The following CNIH3 variants were observed in gnomAD, a reference collection of about 807,000 sequenced individuals.
CNIH3 encodes protein cornichon homolog 3.
CNIH3 carries 14 observed loss-of-function variants against 24.1 expected under a neutral mutation model. That is an observed-to-expected ratio of 0.58 (90% confidence interval 0.38 to 0.91). The LOEUF (loss-of-function observed/expected upper bound fraction) is 0.91. Ranked by LOEUF, CNIH3 falls within the 40% of genes least tolerant of loss-of-function variation. The probability of loss-of-function intolerance (pLI) is 0.00; values close to 1 mark genes in which losing one functional copy is unlikely to be tolerated. For synonymous variants in CNIH3, 68 were observed against 73.8 expected, an observed-to-expected ratio of 0.92 and a Z score of 0.40; for missense variants, 178 against 196.8, an observed-to-expected ratio of 0.90 and a Z score of 0.57.
At chr1:224,640,357 G>A (rs970738488) in intron 1 of CNIH3, among the ~76,000 whole-genome samples, 22 of 152,162 alleles carry the variant, frequency 1.4e-4, no homozygotes, top group Non-Finnish European at 2.2e-4. Context: ...CTGTAGAGAC[G>A]CTGTGACTCC....
intron 2 of CNIH3, among the ~76,000 whole-genome samples, chr1:224,543,688 C>A (rs990994665): frequency 3.9e-5 from 6 of 152,170 alleles, no homozygotes; most frequent in Non-Finnish European, 8.8e-5. Flanking sequence ...AGTGACCTTG[C>A]CAGACTTGCT....
intron 2 of CNIH3, among the ~76,000 whole-genome samples, chr1:224,681,466 A>G (rs1427732191): frequency 6.6e-6 from 1 of 152,202 alleles, no homozygotes; most frequent in Non-Finnish European, 1.5e-5. Context: ...GGCGCCATCC[A>G]TCACCCAGAA....
chr1:224,549,648 G>C (rs558401207), intron 3 of CNIH3, among the ~76,000 whole-genome samples: 1 of 151,956 alleles, frequency 6.6e-6, no homozygotes, highest in Non-Finnish European at 1.5e-5. Flanking sequence ...GAATATTATA[G>C]AAATACCAGA....
intron 1 of CNIH3, among the ~76,000 whole-genome samples, chr1:224,480,804 A>G (rs547133677): frequency 6.6e-6 from 1 of 152,294 alleles, no homozygotes; most frequent in Admixed American, 6.5e-5. Context: ...GCCATTCAAC[A>G]AGTCTCTGAG....
chr1:224,715,617 G>C (rs930832541), intron 3 of CNIH3, among the ~76,000 whole-genome samples: 1 of 152,214 alleles, frequency 6.6e-6, no homozygotes, highest in South Asian at 2.1e-4. Context: ...TGGGCACCTG[G>C]TGAAAGCCTC....
At chr1:224,450,106 T>G (rs891669430) in intron 1 of CNIH3, among the ~76,000 whole-genome samples, 1 of 152,154 alleles carries the variant, frequency 6.6e-6, no homozygotes. Context: ...CAAATATTTT[T>G]TGAGCACTTG....
intron 3 of CNIH3, among the ~76,000 whole-genome samples, chr1:224,728,080 A>G (rs1306798406): frequency 2.0e-5 from 3 of 152,198 alleles, no homozygotes; most frequent in East Asian, 1.9e-4. Flanking sequence ...CCAAACTGTA[A>G]TCAGTCAGAG....
intron 1 of CNIH3, among the ~76,000 whole-genome samples, chr1:224,452,152 CT>C (rs58936897): frequency 9.2e-4 from 131 of 142,166 alleles, no homozygotes; most frequent in African/African-American, 1.7e-3. Context: ...TTACCAATGT[CT>C]TTTTTTTTTT....
At chr1:224,599,431 A>G (rs897823229) in intron 3 of CNIH3, among the ~76,000 whole-genome samples, 1 of 152,254 alleles carries the variant, frequency 6.6e-6, no homozygotes, top group Non-Finnish European at 1.5e-5. Context: ...GTTTGCTAAC[A>G]GCTTTTGGCA....
intron 3 of CNIH3, among the ~76,000 whole-genome samples, chr1:224,562,298 T>C (rs1311783723): frequency 6.6e-6 from 1 of 152,150 alleles, no homozygotes; most frequent in African/African-American, 2.4e-5. Context: ...TACTCCAGAC[T>C]CTTCTTCACT....
At chr1:224,644,220 T>C (rs937617337) in intron 1 of CNIH3, among the ~76,000 whole-genome samples, 3 of 152,124 alleles carry the variant, frequency 2.0e-5, no homozygotes, top group Non-Finnish European at 4.4e-5. Flanking sequence ...TTGTTTTTGT[T>C]TTTGTTTTGA....
chr1:224,591,183 T>G (rs997822522), downstream of CNIH3, among the ~76,000 whole-genome samples: 1 of 152,194 alleles, frequency 6.6e-6, no homozygotes, highest in Non-Finnish European at 1.5e-5. Flanking sequence ...GCTTCACATA[T>G]CTGAATTCTA....
chr1:224,682,215 A>G (rs1254746358), intron 2 of CNIH3, among the ~76,000 whole-genome samples: 1 of 152,184 alleles, frequency 6.6e-6, no homozygotes, highest in East Asian at 1.9e-4. Flanking sequence ...ATTATGTGCT[A>G]GGAACTTTAT....
chr1:224,506,285 GCGCA>G (rs1553259713), intron 1 of CNIH3, among the ~76,000 whole-genome samples: 3 of 143,616 alleles, frequency 2.1e-5, no homozygotes, highest in African/African-American at 8.2e-5. Context: ...GCGCGCGCGC[GCGCA>G]CACACACACA....
intron 1 of CNIH3, among the ~76,000 whole-genome samples, chr1:224,635,299 C>T (rs1440550929): frequency 2.6e-5 from 4 of 152,124 alleles, no homozygotes; most frequent in Admixed American, 6.5e-5. Context: ...TCCCACGACA[C>T]TTGGGGATTA....
At chr1:224,715,240 C>T (rs1688366009) in intron 3 of CNIH3, among the ~76,000 whole-genome samples, 2 of 152,170 alleles carry the variant, frequency 1.3e-5, no homozygotes, top group Admixed American at 1.3e-4. Context: ...AACGTTCAGT[C>T]CTCCTGGCTT....
chr1:224,521,008 A>G (rs1288768690), exon 2 of CNIH3: 1 of 152,130 alleles, frequency 6.6e-6, no homozygotes, highest in Non-Finnish European at 1.5e-5. Context: ...AGTCCACAAG[A>G]TGGCTGCTGT....
At chr1:224,711,324 C>CTT (rs561477816) in intron 3 of CNIH3, among the ~76,000 whole-genome samples, 27 of 144,776 alleles carry the variant, frequency 1.9e-4, no homozygotes, top group East Asian at 8.1e-4. Context: ...CTCTCTCTCT[C>CTT]TTTTTTTTTT....
At chr1:224,585,844 A>G (rs984890812) in intron 5 of CNIH3, among the ~76,000 whole-genome samples, 5 of 152,286 alleles carry the variant, frequency 3.3e-5, no homozygotes, top group African/African-American at 1.2e-4. Flanking sequence ...AATGGCTCAA[A>G]GGAGGATGTA....
Sources: allele counts gnomAD v4.1 joint callset (sites outside exome capture counted in the v4.1 genomes callset), GRCh38; gene constraint gnomAD v4.1.1; transcripts MANE v1.5; gene names NCBI Gene and HGNC (gene_info 2026-07-23, HGNC 2026-07-21).